TGFB3: variants seen among roughly 807,000 people sequenced by gnomAD.
TGFB3 encodes transforming growth factor beta-3 proprotein.
Under a neutral mutation model 40.1 loss-of-function variants are expected in TGFB3, and 5 were observed. The ratio of observed to expected loss-of-function variants is 0.12; its 90% CI spans 0.07 to 0.26. The LOEUF is 0.26. Ranked by LOEUF, TGFB3 falls within the 10% of genes least tolerant of loss-of-function variation. TGFB3 has a pLI of 1.00. For synonymous variants in TGFB3, 184 were observed against 205.6 expected (o/e 0.89, Z 0.90); for missense variants, 373 against 530.1 (o/e 0.70, Z 2.91).
rs944621196 is a variant in TGFB3 at position 75,971,710 on chromosome 14, C to G, written c.361G>C (p.Ala121Pro). The G allele has an allele frequency of 6.2e-7, 1 of 1,614,088 alleles. No homozygotes were observed. Among genetic ancestry groups the G allele is most frequent in the Non-Finnish European group, 8.5e-7 (1 of 1,180,042 alleles). ...IQGLAEHNEL[A>P]VCPKGITSKV... ...GAGGTAATTCCTTTAGGGCAGACAG[C>G]CAGTTCGTCTAGGAGATAAAGCAGA... Residue 121 changes from alanine to proline, a missense_variant, in exon 2 of 7, where the codon GCT becomes CCT. Coordinates refer to ENST00000238682, the MANE Select transcript of TGFB3 (RefSeq NM_003239.5). This position sits in a 1 kb window ranked among gnomAD's most constrained non-coding sequence, Gnocchi z 4.5.
At chr14:75,963,081 A>G in intron 5 of TGFB3, 2 of 604,702 alleles carry the variant, frequency 3.3e-6, no homozygotes, top group Non-Finnish European at 5.9e-6. Flanking sequence ...TTCCTCATTT[A>G]CTTCAGCCAG....
intron 5 of TGFB3, 70 bp from the exon 6 acceptor site, chr14:75,961,146 A>G (rs1208175026): frequency 6.4e-7 from 1 of 1,565,488 alleles, no homozygotes; most frequent in Non-Finnish European, 8.7e-7. Context: ...GAATGCTCTC[A>G]TATTCTCCCT....
rs1378037324 is a variant in TGFB3, at chr14:75,965,911, G to C, written c.647-216C>G. On this transcript the variant is annotated intron_variant, in intron 3 of 6. Transcript: ENST00000238682. ...ATTCCAGGTATTCCTGTTGTATTAT[G>C]AATCACCAAATGGGGGCATACACTA... 5.2e-6 allele frequency: 3 copies of C among 578,356 alleles called. No individual in the cohort carries two copies. The African/African-American group carries it at 5.6e-5, about 11-fold the overall frequency. 35.8% of individuals were successfully genotyped at this position (578,356 alleles called of 1,614,324 possible). A position where few individuals can be genotyped will look rare whatever the true frequency, so the allele number is the denominator to read the frequency against.
intron 3 of TGFB3, among the ~76,000 whole-genome samples, chr14:75,969,779 C>T (rs2035266213): frequency 6.6e-6 from 1 of 152,164 alleles, no homozygotes; most frequent in African/African-American, 2.4e-5. Flanking sequence ...AGTGATACCA[C>T]CTGGATGTCG....
chr14:75,981,941 C>T lies in TGFB3; in HGVS notation c.-1048G>A, dbSNP rs1031349460. Among the ~76,000 whole-genome samples the T allele has an allele frequency of 6.6e-6, 1 of 150,536 alleles. No homozygotes were observed. Among genetic ancestry groups the T allele is most frequent in the African/African-American group, 2.4e-5 (1 of 41,022 alleles). On this transcript the variant is annotated 5_prime_UTR_variant, in exon 1 of 7. Transcript: ENST00000238682. This position sits in a 1 kb window ranked among gnomAD's most constrained non-coding sequence, Gnocchi z 4.7. Reference sequence around the variant, plus strand: ...CTTTCTCTCTCTCCCTCTCCCTCTCCCTCTCGCTCCTCTCCCTCTCTCTCT... The same window carrying T: ...CTTTCTCTCTCTCCCTCTCCCTCTCTCTCTCGCTCCTCTCCCTCTCTCTCT...
chr14:75,963,590 T>G (rs1341433709), intron 4 of TGFB3, 103 bp from the exon 5 acceptor site: 15 of 1,418,422 alleles, frequency 1.1e-5, no homozygotes, highest in Non-Finnish European at 1.5e-5. Context: ...GGAGGGGCAG[T>G]GCAGTCTGCG....
chr14:75,971,420 A>G lies in TGFB3; in HGVS notation c.516+135T>C, dbSNP rs3917175. ...TCTTAAGTGTTTTAATGACAGACAC[A>G]GATACGGAAACGAAGGCTCAGAGAA... On this transcript the variant is annotated intron_variant, in intron 2 of 6. Transcript: ENST00000238682. The surrounding 1 kb of genome is among the most constrained non-coding windows in gnomAD (Gnocchi z 4.5). The G allele has an allele frequency of 2.7e-3, 4,156 of 1,519,798 alleles. 95 individuals are homozygous for G. The African/African-American group carries it at 0.049, about 18-fold the overall frequency. 94.1% of individuals were successfully genotyped at this position (1,519,798 alleles called of 1,614,324 possible). A position where few individuals can be genotyped will look rare whatever the true frequency, so the allele number is the denominator to read the frequency against.
intron 6 of TGFB3, among the ~76,000 whole-genome samples, chr14:75,960,626 A>G (rs1482434365): frequency 6.6e-6 from 1 of 152,218 alleles, no homozygotes; most frequent in Admixed American, 6.5e-5. Context: ...TGCCAGCCAC[A>G]TGCACATATC....
chr14:75,968,393 G>A (rs2035246707), intron 3 of TGFB3, among the ~76,000 whole-genome samples: 3 of 151,582 alleles, frequency 2.0e-5, no homozygotes, highest in Admixed American at 2.0e-4. Context: ...CTCAGAATTG[G>A]CAGCTGTGGG....
Position 75,971,779 on chromosome 14 carries a change from G to A in TGFB3, c.353-61C>T, listed in dbSNP as rs2035297396. The A allele has an allele frequency of 1.9e-6, 3 of 1,593,360 alleles. No homozygotes were observed. Among genetic ancestry groups the A allele is most frequent in the Non-Finnish European group, 1.7e-6 (2 of 1,165,770 alleles). On this transcript the variant is annotated intron_variant, in intron 1 of 6. Coordinates refer to ENST00000238682, the MANE Select transcript of TGFB3 (RefSeq NM_003239.5). The surrounding 1 kb of genome is among the most constrained non-coding windows in gnomAD (Gnocchi z 4.5). Reference sequence around the variant, plus strand: ...GCGAGACATGCAGGAACAGTGTGCTGCCAACGGACAGGCACCAAGTGGCCA... The same window carrying A: ...GCGAGACATGCAGGAACAGTGTGCTACCAACGGACAGGCACCAAGTGGCCA...
chr14:75,982,433 G>T (rs1256890713), upstream of TGFB3, among the ~76,000 whole-genome samples: 5 of 152,204 alleles, frequency 3.3e-5, no homozygotes, highest in Non-Finnish European at 7.3e-5. The surrounding 1 kb of genome is among the most constrained non-coding windows in gnomAD (Gnocchi z 4.0). Context: ...GGCCATGCCA[G>T]CCTCGCAGAG....
Position 75,980,569 on chromosome 14 carries a change from C to A in TGFB3, c.325G>T (p.Asp109Tyr), listed in dbSNP as rs986180095. The A allele has an allele frequency of 6.2e-7, 1 of 1,614,222 alleles. No individual in the cohort carries two copies. The highest frequency in any genetic ancestry group is 8.5e-7 in the Non-Finnish European group (1 of 1,180,036). The change falls in exon 1 of 7, where the codon GAC becomes TAC. Residue 109 changes from aspartate to tyrosine, a missense_variant. Coordinates refer to ENST00000238682, the MANE Select transcript of TGFB3 (RefSeq NM_003239.5). The surrounding 1 kb of genome is among the most constrained non-coding windows in gnomAD (Gnocchi z 4.3). ...EYYAKEIHKFDMIQGLAEHNE... is the reference protein window; with the variant it reads ...EYYAKEIHKFYMIQGLAEHNE... The stretch of plus-strand genomic sequence containing the variant: ...TGCTCCGCCAGCCCCTGGATCATGT[C>A]GAATTTATGGATTTCTTTGGCATAG...
At chr14:75,961,213 G>A in intron 5 of TGFB3, 137 bp from the exon 6 acceptor site, 1 of 978,690 alleles carries the variant, frequency 1.0e-6, no homozygotes. Flanking sequence ...CAGGTTCAAG[G>A]GCATGGGGCA....
rs3917199 is a variant in TGFB3 at position 75,963,612 on chromosome 14, G to A, written c.755-125C>T. On this transcript the variant is annotated intron_variant, in intron 4 of 6. Transcript: ENST00000238682. ...CAGTGCAGTCTGCGAGGGAGGTGTG[G>A]GGGACAAGTGCAGCTTAATTCTGAT... The A allele has an allele frequency of 6.4e-4, 730 of 1,134,452 alleles. 7 individuals carry two copies. In the South Asian group the frequency reaches 8.7e-3, roughly 13 times the overall value. The allele number at this position is 1,134,452 out of a possible 1,614,324, so 70.3% of individuals were successfully genotyped here.
chr14:75,980,427 C>G lies in TGFB3; in HGVS notation c.352+115G>C, dbSNP rs112619396. The G allele has an allele frequency of 1.2e-3, 1,352 of 1,081,752 alleles. 16 individuals are homozygous for G. The African/African-American group carries it at 0.018, about 14-fold the overall frequency. The allele number at this position is 1,081,752 out of a possible 1,614,324, so 67.0% of individuals were successfully genotyped here. On this transcript the variant is annotated intron_variant, in intron 1 of 6. Transcript: ENST00000238682. The surrounding 1 kb of genome is among the most constrained non-coding windows in gnomAD (Gnocchi z 4.3). ...GCATCGCACATCCTGAGCCTTGGTG[C>G]TGGTGAATCCTGGGGCACCCTGCTG...
upstream of TGFB3, among the ~76,000 whole-genome samples, chr14:75,982,346 C>G (rs1280903815): frequency 2.6e-5 from 4 of 152,186 alleles, no homozygotes; most frequent in African/African-American, 9.6e-5. This position sits in a 1 kb window ranked among gnomAD's most constrained non-coding sequence, Gnocchi z 4.0. Context: ...CCTCCTGGTC[C>G]CCCGGTCCCG....
At chr14:75,977,372 C>T (rs2035366051) in intron 1 of TGFB3, among the ~76,000 whole-genome samples, 1 of 152,196 alleles carries the variant, frequency 6.6e-6, no homozygotes, top group South Asian at 2.1e-4. Flanking sequence ...TCTCTACTCC[C>T]TCCCGACAGT....
intron 5 of TGFB3, among the ~76,000 whole-genome samples, chr14:75,962,369 T>C (rs1171071163): frequency 6.6e-6 from 1 of 152,240 alleles, no homozygotes; most frequent in African/African-American, 2.4e-5. Context: ...GCCTCTCCTA[T>C]ACCTTGCTGT....
At chr14:75,961,222 C>A in intron 5 of TGFB3, 146 bp from the exon 6 acceptor site, 2 of 847,528 alleles carry the variant, frequency 2.4e-6, no homozygotes, top group South Asian at 1.5e-5. Context: ...GGGCATGGGG[C>A]AGAAGAAACC....
Sources: gnomAD v4.1 joint callset for allele counts (sites outside exome capture counted in the v4.1 genomes callset) on GRCh38, gnomAD v4.1.1 for gene constraint, Gnocchi (gnomAD v3.1) non-coding constraint, MANE v1.5 for transcripts, NCBI Gene and HGNC (gene_info 2026-07-23, HGNC 2026-07-21) for gene names.